Variants in FGGY observed in about 807,000 individuals in gnomAD.
FGGY encodes FGGY carbohydrate kinase domain containing.
In FGGY, 72 loss-of-function variants were observed where a neutral mutation model predicts 71.3. That is an observed-to-expected ratio of 1.01 (90% CI 0.84 to 1.23). The LOEUF (loss-of-function observed/expected upper bound fraction) is 1.23, where lower values mean the gene tolerates loss of function less well. Among genes scored for constraint, FGGY ranks in the 50% most tolerant of loss-of-function variants. The pLI is 0.00. For missense variants in FGGY, 668 were observed against 682.3 expected (o/e 0.98, Z 0.23); for synonymous variants, 251 against 250.3 (o/e 1.00, Z -0.02).
intron 7 of FGGY, among the ~76,000 whole-genome samples, chr1:59,539,647 TA>T (rs2095409174): frequency 6.6e-6 from 1 of 152,156 alleles, no homozygotes; most frequent in African/African-American, 2.4e-5. Context: ...TTTAAAAAAA[TA>T]AAGTTCCTAA....
intron 11 of FGGY, among the ~76,000 whole-genome samples, chr1:59,653,641 C>A (rs1008701681): frequency 6.6e-6 from 1 of 152,206 alleles, no homozygotes; most frequent in Non-Finnish European, 1.5e-5. Context: ...CACTGGCCTG[C>A]GCCCACTGTC....
intron 6 of FGGY, among the ~76,000 whole-genome samples, chr1:59,489,171 C>G (rs757035302): frequency 6.6e-6 from 1 of 151,880 alleles, no homozygotes; most frequent in Non-Finnish European, 1.5e-5. Flanking sequence ...GTGTAGTGAT[C>G]GGGTCAGTGT....
intron 6 of FGGY, among the ~76,000 whole-genome samples, chr1:59,482,826 C>T (rs1022226510): frequency 6.6e-6 from 1 of 151,956 alleles, no homozygotes; most frequent in African/African-American, 2.4e-5. Context: ...CTAGTTATTA[C>T]AAAAGTTGAT....
intron 8 of FGGY, among the ~76,000 whole-genome samples, chr1:59,592,767 A>G (rs1238835321): frequency 7.3e-6 from 1 of 137,020 alleles, no homozygotes; most frequent in Non-Finnish European, 1.5e-5. Context: ...GGGGAACATC[A>G]CACTCTGGGG....
At chr1:59,738,635 G>A (rs1257526136) in intron 14 of FGGY, among the ~76,000 whole-genome samples, 8 of 152,170 alleles carry the variant, frequency 5.3e-5, no homozygotes, top group Non-Finnish European at 1.2e-4. Context: ...GAAGAAACTG[G>A]TTATTCTGGG....
intron 6 of FGGY, among the ~76,000 whole-genome samples, chr1:59,461,734 C>T (rs1160708076): frequency 2.6e-5 from 4 of 152,130 alleles, no homozygotes; most frequent in Non-Finnish European, 4.4e-5. Flanking sequence ...AGAAACTCTA[C>T]CAGCCAGAAG....
chr1:59,485,671 A>G (rs2093636629), intron 6 of FGGY, among the ~76,000 whole-genome samples: 1 of 152,238 alleles, frequency 6.6e-6, no homozygotes, highest in Admixed American at 6.5e-5. Flanking sequence ...GGTGACTCAT[A>G]AGGTTTGGGA....
At chr1:59,388,881 A>G (rs1013163015) in intron 5 of FGGY, among the ~76,000 whole-genome samples, 1 of 152,086 alleles carries the variant, frequency 6.6e-6, no homozygotes, top group African/African-American at 2.4e-5. Context: ...ATCTATTTCT[A>G]AAACTTATTT....
At chr1:59,521,011 C>T (rs2094812797) in intron 7 of FGGY, among the ~76,000 whole-genome samples, 1 of 117,602 alleles carries the variant, frequency 8.5e-6, no homozygotes, top group Non-Finnish European at 1.6e-5. Context: ...TCCAAAGAGG[C>T]AGACGGTCTG....
intron 5 of FGGY, among the ~76,000 whole-genome samples, chr1:59,435,807 T>A (rs2068339031): frequency 6.6e-6 from 1 of 150,806 alleles, no homozygotes; most frequent in Non-Finnish European, 1.5e-5. Flanking sequence ...TGCCTCCACT[T>A]GACTGTAAGC....
chr1:59,535,529 AT>A (rs960940529), intron 7 of FGGY, among the ~76,000 whole-genome samples: 5 of 152,014 alleles, frequency 3.3e-5, no homozygotes, highest in Admixed American at 2.0e-4. Context: ...CAGAATATAC[AT>A]TTTTTTCAGC....
intron 2 of FGGY, among the ~76,000 whole-genome samples, chr1:59,329,121 C>T (rs1053720976): frequency 3.9e-5 from 6 of 152,148 alleles, no homozygotes; most frequent in Admixed American, 1.3e-4. Flanking sequence ...CTGCAAGATG[C>T]GGTAAAGCAA....
chr1:59,653,707 C>T (rs1054679751), intron 11 of FGGY, among the ~76,000 whole-genome samples: 8 of 152,210 alleles, frequency 5.3e-5, no homozygotes, highest in African/African-American at 1.2e-4. Context: ...GGAAATCACC[C>T]GTCTTCTGCG....
chr1:59,622,391 A>G (rs2096819453), intron 9 of FGGY, among the ~76,000 whole-genome samples: 1 of 151,998 alleles, frequency 6.6e-6, no homozygotes, highest in South Asian at 2.1e-4. Context: ...GGACATTGTG[A>G]TTGATATATT....
intron 14 of FGGY, among the ~76,000 whole-genome samples, chr1:59,710,360 G>A (rs549568688): frequency 6.6e-6 from 1 of 152,220 alleles, no homozygotes; most frequent in South Asian, 2.1e-4. Flanking sequence ...GAAAACCTAG[G>A]CAATACCATT....
intron 4 of FGGY, among the ~76,000 whole-genome samples, chr1:59,371,756 A>C (rs964999312): frequency 6.6e-6 from 1 of 152,120 alleles, no homozygotes; most frequent in African/African-American, 2.4e-5. Flanking sequence ...TAAGAAACTC[A>C]CTCAAAACTG....
intron 11 of FGGY, among the ~76,000 whole-genome samples, chr1:59,654,987 TG>T (rs2097204911): frequency 6.6e-6 from 1 of 152,194 alleles, no homozygotes; most frequent in African/African-American, 2.4e-5. Flanking sequence ...TCTGTGTCCC[TG>T]GGCACTCAGG....
intron 8 of FGGY, among the ~76,000 whole-genome samples, chr1:59,582,413 A>C (rs987024218): frequency 2.7e-5 from 4 of 149,926 alleles, no homozygotes; most frequent in Admixed American, 1.3e-4. Flanking sequence ...AATCCTTAGC[A>C]AGTCTGATTA....
At chr1:59,425,202 A>G (rs974131580) in intron 5 of FGGY, among the ~76,000 whole-genome samples, 8 of 152,214 alleles carry the variant, frequency 5.3e-5, no homozygotes, top group African/African-American at 1.9e-4. Flanking sequence ...ATATAGGTAT[A>G]GTGTGTCTGA....
Sources: allele counts gnomAD v4.1 joint callset (sites outside exome capture counted in the v4.1 genomes callset), GRCh38; gene constraint gnomAD v4.1.1; transcripts MANE v1.5; gene names NCBI Gene and HGNC (gene_info 2026-07-23, HGNC 2026-07-21).